Variants in PPL observed in about 807,000 individuals in gnomAD.
PPL encodes 190 kDa paraneoplastic pemphigus antigen.
In PPL, 198 loss-of-function variants were observed where a neutral mutation model predicts 194.4. That is an observed-to-expected ratio of 1.02 (90% CI 0.91 to 1.15). The LOEUF (loss-of-function observed/expected upper bound fraction) is 1.15, where lower values mean the gene tolerates loss of function less well. Ranked by LOEUF, PPL falls within the 50% of genes most tolerant of loss-of-function variation. The probability of loss-of-function intolerance (pLI) is 0.00; values close to 1 mark genes in which losing one functional copy is unlikely to be tolerated. For missense variants in PPL, 2,885 were observed against 2,294.8 expected, an observed-to-expected ratio of 1.26 and a Z score of -5.25; for synonymous variants, 1,220 against 972.4, an observed-to-expected ratio of 1.25 and a Z score of -4.74.
At position 4,902,138 on chromosome 16, in the gene PPL, TTGG is replaced by T. The variant is rs1283689257; in HGVS notation, c.438+265_438+267del. Reference sequence around the variant, plus strand: ...TCACCAAGACCCCAACATGCCAGGGTTGGAAAGTGGGACCCAGGAGCAGCAGCG... The same window carrying T: ...TCACCAAGACCCCAACATGCCAGGGTAAAGTGGGACCCAGGAGCAGCAGCG... On this transcript the variant is annotated intron_variant, in intron 4 of 21. Transcript: ENST00000345988. This position sits in a 1 kb window ranked among gnomAD's most constrained non-coding sequence, Gnocchi z 4.0. 6.6e-6 allele frequency among the ~76,000 whole-genome samples: 1 copy of T among 151,852 alleles called. No homozygotes were observed. Among genetic ancestry groups the T allele is most frequent in the East Asian group, 1.9e-4 (1 of 5,172 alleles).
chr16:4,912,894 A>C (rs2088846576), intron 1 of PPL, among the ~76,000 whole-genome samples: 1 of 152,184 alleles, frequency 6.6e-6, no homozygotes, highest in Non-Finnish European at 1.5e-5. Flanking sequence ...ACCTGAGATC[A>C]GGAGTTTGAG....
At chr16:4,891,255 C>G (rs1567996569) in intron 16 of PPL, among the ~76,000 whole-genome samples, 1 of 152,122 alleles carries the variant, frequency 6.6e-6, no homozygotes, top group African/African-American at 2.4e-5. Context: ...CCTCAGGTCA[C>G]AGACTTGAAT....
intron 1 of PPL, among the ~76,000 whole-genome samples, chr16:4,925,448 A>G (rs1031334876): frequency 6.6e-6 from 1 of 152,168 alleles, no homozygotes; most frequent in East Asian, 1.9e-4. Context: ...TGCATCACCC[A>G]TTGACGTCTC....
chr16:4,934,502 C>A (rs938297340), intron 1 of PPL, among the ~76,000 whole-genome samples: 2 of 152,154 alleles, frequency 1.3e-5, no homozygotes, highest in Non-Finnish European at 2.9e-5. Context: ...ACCACCCGTG[C>A]TGTGCAGAAA....
At chr16:4,891,106 CAATG>C (rs1475763423) in intron 16 of PPL, among the ~76,000 whole-genome samples, 185 bp from the exon 17 acceptor site, 1 of 152,250 alleles carries the variant, frequency 6.6e-6, no homozygotes, top group African/African-American at 2.4e-5. Flanking sequence ...TGTTTTTTAA[CAATG>C]AACAAAGCCC....
chr16:4,890,465 TG>T (rs1445167480), intron 17 of PPL, 131 bp from the exon 18 acceptor site: 2 of 1,245,094 alleles, frequency 1.6e-6, no homozygotes, highest in Non-Finnish European at 2.2e-6. Context: ...CCACACAGGG[TG>T]GGTGGTCATT....
chr16:4,911,758 G>A (rs779601714), intron 1 of PPL, among the ~76,000 whole-genome samples: 10 of 151,902 alleles, frequency 6.6e-5, no homozygotes, highest in Admixed American at 2.0e-4. Context: ...GGCTGGTCTC[G>A]AACTCCTGAG....
chr16:4,920,341 G>GAGAGAGAA (rs2089019109), intron 1 of PPL, among the ~76,000 whole-genome samples: 1 of 10,926 alleles, frequency 9.2e-5, no homozygotes, highest in African/African-American at 1.1e-4. Flanking sequence ...GAAAGAGAGA[G>GAGAGAGAA]AGAGAGAAAG....
At position 4,885,575 on chromosome 16, in the gene PPL, C is replaced by T. The variant is rs139002459; in HGVS notation, c.3080G>A (p.Arg1027Gln). Residue 1027 changes from arginine (R) to glutamine (Q), a missense_variant, in exon 22 of 22, where the codon CGG (arginine) becomes CAG (glutamine). Arg to Gln is a conservative substitution (Grantham distance 43). Coordinates refer to ENST00000345988, the MANE Select transcript of PPL (RefSeq NM_002705.5). This position sits in a 1 kb window ranked among gnomAD's most constrained non-coding sequence, Gnocchi z 6.3. ...LEALRRQKGAREAEVLLLQQR... is the reference protein window; with the variant it reads ...LEALRRQKGAQEAEVLLLQQR... ...CTGCAGGAGGAGCACCTCTGCCTCC[C>T]GGGCGCCCTTCTGCCGCCTCAGTGC... is the stretch of plus-strand genomic sequence containing the variant. 197 of 1,611,216 alleles carry T rather than the reference C, an allele frequency of 1.2e-4. No homozygotes were observed. The African/African-American group carries it at 1.5e-3, about 12-fold the overall frequency.
At chr16:4,919,232 TA>T (rs938572110) in intron 1 of PPL, among the ~76,000 whole-genome samples, 4 of 152,144 alleles carry the variant, frequency 2.6e-5, no homozygotes, top group African/African-American at 9.7e-5. Flanking sequence ...ACCTGCTCAT[TA>T]CCCAGATGAG....
intron 1 of PPL, among the ~76,000 whole-genome samples, chr16:4,927,609 T>G (rs2089175848): frequency 1.3e-5 from 2 of 152,260 alleles, no homozygotes; most frequent in African/African-American, 4.8e-5. Flanking sequence ...CCAGATTGAT[T>G]GGTCAATTGA....
chr16:4,921,008 G>A (rs1274822656), intron 1 of PPL, among the ~76,000 whole-genome samples: 1 of 152,212 alleles, frequency 6.6e-6, no homozygotes, highest in African/African-American at 2.4e-5. Flanking sequence ...CCTCAGCCTT[G>A]TTGACGCTGT....
rs753325794 is a variant in PPL at position 4,899,265 on chromosome 16, A to C, written c.726T>G (p.Ser242Arg). ...QAKGRMQYDW[S>R]DRNLDYPSRR... ...GGCTGGGGTAGTCGAGGTTGCGGTC[A>C]CTCCAGTCGTACTGCATGCGGCCCT... The change falls in exon 7 of 22, where the codon AGT (serine) becomes AGG (arginine). Residue 242 changes from serine (S) to arginine (R), a missense_variant. Transcript: ENST00000345988. 1 of 1,613,496 alleles carries C rather than the reference A, an allele frequency of 6.2e-7. No homozygotes were observed. The highest frequency in any genetic ancestry group is 1.7e-5 in the Admixed American group (1 of 59,986).
intron 2 of PPL, among the ~76,000 whole-genome samples, chr16:4,905,572 G>A (rs2088665528): frequency 6.6e-6 from 1 of 152,178 alleles, no homozygotes. Flanking sequence ...CACTTGCAGT[G>A]GGAGCCTTTT....
At chr16:4,926,832 T>C (rs1037374587) in intron 1 of PPL, among the ~76,000 whole-genome samples, 2 of 134,484 alleles carry the variant, frequency 1.5e-5, no homozygotes, top group East Asian at 2.4e-4. Flanking sequence ...TGAGCTGAGA[T>C]TGTGCCACTG....
intron 1 of PPL, among the ~76,000 whole-genome samples, chr16:4,922,988 C>T (rs1312970521): frequency 1.3e-5 from 2 of 152,180 alleles, no homozygotes; most frequent in Non-Finnish European, 2.9e-5. Context: ...CTGGGCCTAG[C>T]TGGGGGACAA....
intron 18 of PPL, among the ~76,000 whole-genome samples, 180 bp from the exon 19 acceptor site, chr16:4,889,241 G>GTTGTTTTT (rs2088274147): frequency 1.4e-4 from 9 of 66,634 alleles, no homozygotes; most frequent in Admixed American, 2.2e-4. Context: ...TGTTGTTGTT[G>GTTGTTTTT]TTTTTTTTTT....
At chr16:4,932,643 C>G (rs2089239067) in intron 1 of PPL, among the ~76,000 whole-genome samples, 1 of 152,080 alleles carries the variant, frequency 6.6e-6, no homozygotes, top group Non-Finnish European at 1.5e-5. Flanking sequence ...GTCTTGAACT[C>G]CTGACCTCAA....
At chr16:4,903,844 C>T (rs377443490) in intron 3 of PPL, 42 bp downstream of exon 3, 24 of 1,607,712 alleles carry the variant, frequency 1.5e-5, no homozygotes, top group African/African-American at 8.0e-5. Flanking sequence ...TGGCCCATAG[C>T]CCCCAATGGC....
Sources: allele counts gnomAD v4.1 joint callset (sites outside exome capture counted in the v4.1 genomes callset), GRCh38; gene constraint gnomAD v4.1.1; non-coding constraint Gnocchi (gnomAD v3.1); transcripts MANE v1.5; gene names NCBI Gene and HGNC (gene_info 2026-07-23, HGNC 2026-07-21).